The following KCNS3 variants were observed in gnomAD, a reference collection of about 807,000 sequenced individuals.
The protein encoded by KCNS3 is potassium voltage-gated channel modifier subfamily S member 3, also known as delayed-rectifier potassium channel regulatory subunit KCNS3.
KCNS3 carries 13 observed loss-of-function variants against 31.0 expected under a neutral mutation model. The observed-to-expected ratio is 0.42, with a 90% CI of 0.27 to 0.67. The LOEUF is 0.67. Among genes scored for constraint, KCNS3 ranks in the 30% least tolerant of loss-of-function variants. The pLI, the probability that KCNS3 is intolerant of heterozygous loss-of-function variation, is 0.25. For synonymous variants in KCNS3, 238 were observed against 241.5 expected (o/e 0.99, Z 0.13); for missense variants, 545 against 622.4 (o/e 0.88, Z 1.32).
At chr2:17,884,085 A>G (rs1268474041) in intron 1 of KCNS3, among the ~76,000 whole-genome samples, 6 of 108,250 alleles carry the variant, frequency 5.5e-5, no homozygotes, top group Non-Finnish European at 8.5e-5. Flanking sequence ...GAAGGGGAAC[A>G]TCACACACCA....
chr2:17,912,539 T>G (rs1462456290), intron 1 of KCNS3, among the ~76,000 whole-genome samples: 1 of 152,216 alleles, frequency 6.6e-6, no homozygotes, highest in African/African-American at 2.4e-5. Context: ...TTCTATGAGG[T>G]GCACACCCTT....
At chr2:17,921,913 G>GTATATATATA (rs1373281256) in intron 2 of KCNS3, among the ~76,000 whole-genome samples, 52 of 34,064 alleles carry the variant, frequency 1.5e-3, no homozygotes, top group South Asian at 2.6e-3. Flanking sequence ...GTGTGTGTGT[G>GTATATATATA]TGTATATATA....
At chr2:17,882,951 G>T (rs1262148262) in intron 1 of KCNS3, among the ~76,000 whole-genome samples, 1 of 152,220 alleles carries the variant, frequency 6.6e-6, no homozygotes, top group East Asian at 1.9e-4. Context: ...ACTAGGCTAG[G>T]TTGTGGTATT....
chr2:17,882,524 C>G (rs148853285), intron 1 of KCNS3, among the ~76,000 whole-genome samples: 1 of 152,254 alleles, frequency 6.6e-6, no homozygotes, highest in East Asian at 1.9e-4. Context: ...AGTGAGCTAT[C>G]GAGAGTCCTT....
chr2:17,928,370 G>T (rs1459024094), intron 2 of KCNS3, among the ~76,000 whole-genome samples: 1 of 152,142 alleles, frequency 6.6e-6, no homozygotes, highest in African/African-American at 2.4e-5. Context: ...GGGTTCAAGT[G>T]ATTCTCATGC....
intron 1 of KCNS3, among the ~76,000 whole-genome samples, chr2:17,880,114 CTA>C (rs1674610870): frequency 6.6e-6 from 1 of 152,242 alleles, no homozygotes; most frequent in African/African-American, 2.4e-5. Flanking sequence ...CCTTCTTAGA[CTA>C]TTTGCAAATA....
rs1663028802 is a variant in KCNS3, at chr2:17,932,595, C to G, written c.*111C>G. 1 of 1,162,350 alleles carries G rather than the reference C, an allele frequency of 8.6e-7. No homozygotes were observed. Among genetic ancestry groups the G allele is most frequent in the Non-Finnish European group, 1.2e-6 (1 of 826,482 alleles). The allele number at this position is 1,162,350 out of a possible 1,614,324, so 72.0% of individuals were successfully genotyped here. ...CATTTAATTCTCAGGGTGTACCTTT[C>G]AGCCATAGTTGGACATTCATTGCTG... On this transcript the variant is annotated 3_prime_UTR_variant, in exon 3 of 3. Transcript: ENST00000304101.
At chr2:17,921,536 C>A (rs536695663) in intron 2 of KCNS3, among the ~76,000 whole-genome samples, 4 of 151,890 alleles carry the variant, frequency 2.6e-5, no homozygotes, top group Non-Finnish European at 5.9e-5. Flanking sequence ...TAAAGAACTA[C>A]GTGAGACTGA....
intron 1 of KCNS3, among the ~76,000 whole-genome samples, chr2:17,898,610 A>G (rs1386752171): frequency 6.6e-6 from 1 of 152,184 alleles, no homozygotes; most frequent in Non-Finnish European, 1.5e-5. Flanking sequence ...TAATAGATGT[A>G]GGAAACATCC....
chr2:17,919,171 C>T (rs1662657567), intron 2 of KCNS3, among the ~76,000 whole-genome samples: 1 of 152,144 alleles, frequency 6.6e-6, no homozygotes, highest in South Asian at 2.1e-4. Context: ...TTACAGAGAT[C>T]CCTGGAGTTT....
intron 2 of KCNS3, among the ~76,000 whole-genome samples, chr2:17,921,415 T>C (rs528388672): frequency 6.6e-6 from 1 of 152,314 alleles, no homozygotes; most frequent in South Asian, 2.1e-4. Flanking sequence ...AAGGGTTTTC[T>C]TTTAAGAACA....
At chr2:17,903,792 C>CT (rs1476747850) in intron 1 of KCNS3, among the ~76,000 whole-genome samples, 1 of 152,040 alleles carries the variant, frequency 6.6e-6, no homozygotes. Context: ...TGAACTCATC[C>CT]TTTTTTATGG....
At chr2:17,924,668 C>T (rs1326129667) in intron 2 of KCNS3, among the ~76,000 whole-genome samples, 6 of 141,702 alleles carry the variant, frequency 4.2e-5, no homozygotes, top group South Asian at 5.1e-4. Context: ...TTGATTTACA[C>T]GTTAAGTTAA....
chr2:17,907,916 G>T (rs1478318701), intron 1 of KCNS3, among the ~76,000 whole-genome samples: 1 of 152,102 alleles, frequency 6.6e-6, no homozygotes, highest in Admixed American at 6.5e-5. Context: ...TTCAACTTTG[G>T]TGGATCTGAC....
chr2:17,896,628 C>G (rs1201987879), intron 1 of KCNS3, among the ~76,000 whole-genome samples: 1 of 152,036 alleles, frequency 6.6e-6, no homozygotes, highest in South Asian at 2.1e-4. Context: ...CCCTAATTCC[C>G]TTTGGGTAAT....
chr2:17,896,707 G>A (rs544601393), intron 1 of KCNS3, among the ~76,000 whole-genome samples: 7 of 150,976 alleles, frequency 4.6e-5, no homozygotes, highest in Admixed American at 6.6e-5. Context: ...CCTTCTGCCA[G>A]CTTCTTCTCC....
intron 1 of KCNS3, among the ~76,000 whole-genome samples, chr2:17,888,641 A>ATCTATATC (rs1558446986): frequency 2.7e-5 from 2 of 73,274 alleles, no homozygotes; most frequent in Admixed American, 1.9e-4. Context: ...ATATATATAT[A>ATCTATATC]TATATATATA....
At chr2:17,880,611 C>T (rs1160257182) in intron 1 of KCNS3, among the ~76,000 whole-genome samples, 1 of 152,160 alleles carries the variant, frequency 6.6e-6, no homozygotes, top group East Asian at 1.9e-4. Flanking sequence ...CCCATAATTG[C>T]CTGAATAGAG....
At chr2:17,900,031 G>T (rs143240757) in intron 1 of KCNS3, among the ~76,000 whole-genome samples, 2 of 152,092 alleles carry the variant, frequency 1.3e-5, no homozygotes, top group Non-Finnish European at 2.9e-5. Context: ...ATTGGAGAGC[G>T]GGCGTGGTCT....
Sources: gnomAD v4.1 joint callset for allele counts (sites outside exome capture counted in the v4.1 genomes callset) on GRCh38, gnomAD v4.1.1 for gene constraint, MANE v1.5 for transcripts, NCBI Gene and HGNC (gene_info 2026-07-23, HGNC 2026-07-21) for gene names.